Variants in LSAMP observed in about 807,000 individuals in gnomAD.
The protein encoded by LSAMP is limbic system-associated membrane protein.
A neutral mutation model predicts 38.6 loss-of-function variants in LSAMP; 7 were observed. That is an observed-to-expected ratio of 0.18 (90% CI 0.10 to 0.34). The LOEUF is 0.34. LSAMP is among the 10% of genes least tolerant of loss of function. LSAMP has a pLI of 1.00. For synonymous variants in LSAMP, 154 were observed against 166.8 expected (o/e 0.92, Z 0.59); for missense variants, 313 against 420.0 (o/e 0.75, Z 2.23).
At chr3:116,258,672 G>A (rs537896737) in intron 1 of LSAMP, among the ~76,000 whole-genome samples, 1 of 152,040 alleles carries the variant, frequency 6.6e-6, no homozygotes, top group South Asian at 2.1e-4. Flanking sequence ...AAGCAATAGC[G>A]GCCAATAGGA....
At chr3:116,216,338 C>T (rs2107611712) in intron 1 of LSAMP, among the ~76,000 whole-genome samples, 1 of 152,170 alleles carries the variant, frequency 6.6e-6, no homozygotes, top group South Asian at 2.1e-4. Context: ...TCTTTAGGTG[C>T]CAGAATTGAA....
At chr3:116,026,714 G>A (rs1025594732) in intron 2 of LSAMP, among the ~76,000 whole-genome samples, 6 of 152,176 alleles carry the variant, frequency 3.9e-5, no homozygotes, top group African/African-American at 1.4e-4. Context: ...TTGGCAGACT[G>A]TGTTAATGGC....
intron 3 of LSAMP, among the ~76,000 whole-genome samples, chr3:115,948,907 C>A (rs1362350803): frequency 2.0e-5 from 3 of 152,056 alleles, no homozygotes; most frequent in Admixed American, 2.0e-4. Context: ...CTGAGGCAGG[C>A]AGAACACTTG....
At chr3:116,025,442 G>A (rs1051942467) in intron 2 of LSAMP, among the ~76,000 whole-genome samples, 3 of 151,988 alleles carry the variant, frequency 2.0e-5, no homozygotes, top group Non-Finnish European at 4.4e-5. Flanking sequence ...GAAGTTTAAA[G>A]CTTCTTTGTT....
At chr3:116,406,879 C>T (rs2048904766) in intron 1 of LSAMP, among the ~76,000 whole-genome samples, 2 of 151,190 alleles carry the variant, frequency 1.3e-5, no homozygotes, top group Admixed American at 1.3e-4. Flanking sequence ...GAAGAGGAGG[C>T]CTAGAAAGAG....
At chr3:116,322,460 A>C (rs2047717945) in intron 1 of LSAMP, among the ~76,000 whole-genome samples, 1 of 152,166 alleles carries the variant, frequency 6.6e-6, no homozygotes, top group Non-Finnish European at 1.5e-5. Flanking sequence ...TATTCTTTTA[A>C]AAAAGGAAAT....
chr3:116,111,104 T>C (rs1176729326), intron 1 of LSAMP, among the ~76,000 whole-genome samples: 1 of 152,134 alleles, frequency 6.6e-6, no homozygotes. Context: ...TGGAATGTCA[T>C]CAGTTAAGGC....
chr3:116,131,773 TCAAA>T (rs887162586), intron 1 of LSAMP, among the ~76,000 whole-genome samples: 50 of 151,920 alleles, frequency 3.3e-4, no homozygotes, highest in African/African-American at 1.2e-3. Flanking sequence ...ACCCACAGTG[TCAAA>T]CAGAGAGAGA....
intron 1 of LSAMP, among the ~76,000 whole-genome samples, chr3:116,244,865 T>C (rs2046585058): frequency 6.6e-6 from 1 of 152,224 alleles, no homozygotes; most frequent in Admixed American, 6.5e-5. Flanking sequence ...ATTTCTCCTA[T>C]TTTTCCTTTA....
rs375922277 is a variant in LSAMP at position 116,211,276 on chromosome 3, TATG to T, written c.156-124723_156-124721del. Among the ~76,000 whole-genome samples, 212 of 152,336 alleles carry T rather than the reference TATG, an allele frequency of 1.4e-3. 1 individual carries two copies. Among genetic ancestry groups the T allele is most frequent in the African/African-American group, 4.8e-3 (200 of 41,584 alleles). ...TAAATCTAAGATACCTATTTTATAA[TATG>T]ATGACTATAGTTCATAACAATGTAT... is the stretch of plus-strand genomic sequence containing the variant. On this transcript the variant is annotated intron_variant, in intron 1 of 6. Transcript: ENST00000490035.
chr3:115,884,486 AATTAATGCTGTTGG>A (rs1417173345), intron 3 of LSAMP, among the ~76,000 whole-genome samples: 3 of 152,074 alleles, frequency 2.0e-5, no homozygotes, highest in Non-Finnish European at 4.4e-5. Flanking sequence ...TTCAATCTGA[AATTAATGCTGTTGG>A]ATTGGCAATT....
At chr3:116,154,909 A>G (rs1709707253) in intron 1 of LSAMP, among the ~76,000 whole-genome samples, 1 of 152,182 alleles carries the variant, frequency 6.6e-6, no homozygotes, top group Non-Finnish European at 1.5e-5. Context: ...GTAGGAGTGT[A>G]TACAATTTAT....
At chr3:116,297,749 G>A (rs1433300105) in intron 1 of LSAMP, among the ~76,000 whole-genome samples, 1 of 152,044 alleles carries the variant, frequency 6.6e-6, no homozygotes, top group Admixed American at 6.6e-5. Flanking sequence ...CTGTACATTG[G>A]TTTATTTGTA....
chr3:116,063,727 A>C (rs1166885902), intron 2 of LSAMP, among the ~76,000 whole-genome samples: 1 of 152,188 alleles, frequency 6.6e-6, no homozygotes, highest in Non-Finnish European at 1.5e-5. Flanking sequence ...AAACTAGGAA[A>C]TAAAACATTT....
intron 3 of LSAMP, among the ~76,000 whole-genome samples, chr3:115,991,629 T>C (rs1318358184): frequency 1.3e-5 from 2 of 152,102 alleles, no homozygotes; most frequent in Non-Finnish European, 2.9e-5. Flanking sequence ...ATCGAGGGGC[T>C]AGAAACAAAT....
chr3:116,215,757 T>C (rs922061177), intron 1 of LSAMP, among the ~76,000 whole-genome samples: 8 of 152,152 alleles, frequency 5.3e-5, no homozygotes, highest in African/African-American at 1.9e-4. Context: ...GGTATGGTTG[T>C]ACAATGGCAC....
chr3:116,017,048 T>C (rs115414324), intron 3 of LSAMP, among the ~76,000 whole-genome samples: 1 of 152,120 alleles, frequency 6.6e-6, no homozygotes, highest in Non-Finnish European at 1.5e-5. Flanking sequence ...TGGTCTTTTG[T>C]TGACTTGAAA....
chr3:116,289,239 G>T (rs554257676), intron 1 of LSAMP, among the ~76,000 whole-genome samples: 1 of 152,288 alleles, frequency 6.6e-6, no homozygotes, highest in Admixed American at 6.5e-5. Flanking sequence ...AAAACTGAAG[G>T]TAGGGACTTT....
intron 3 of LSAMP, among the ~76,000 whole-genome samples, chr3:115,890,566 T>A (rs1936573435): frequency 6.6e-6 from 1 of 151,972 alleles, no homozygotes; most frequent in African/African-American, 2.4e-5. Context: ...GAGATTTGCC[T>A]TCTAAGTCCT....
Sources: allele counts gnomAD v4.1 joint callset (sites outside exome capture counted in the v4.1 genomes callset), GRCh38; gene constraint gnomAD v4.1.1; transcripts MANE v1.5; gene names NCBI Gene and HGNC (gene_info 2026-07-23, HGNC 2026-07-21).